The following SSH2 variants were observed in gnomAD, a reference collection of about 807,000 sequenced individuals.
The protein encoded by SSH2 is protein phosphatase Slingshot homolog 2.
Under a neutral mutation model 135.2 loss-of-function variants are expected in SSH2, and 37 were observed. The ratio of observed to expected loss-of-function variants is 0.27; its 90% CI spans 0.21 to 0.36. The LOEUF (loss-of-function observed/expected upper bound fraction) is 0.36. Among genes scored for constraint, SSH2 ranks in the 10% least tolerant of loss-of-function variants. The probability of loss-of-function intolerance (pLI) is 1.00; values close to 1 mark genes in which losing one functional copy is unlikely to be tolerated. For synonymous variants in SSH2, 628 were observed against 646.2 expected, an observed-to-expected ratio of 0.97 and a Z score of 0.43; for missense variants, 1,408 against 1,765.3, an observed-to-expected ratio of 0.80 and a Z score of 3.63.
chr17:29,874,630 T>C (rs988076252), intron 1 of SSH2, among the ~76,000 whole-genome samples: 1 of 152,192 alleles, frequency 6.6e-6, no homozygotes, highest in Non-Finnish European at 1.5e-5. Flanking sequence ...CCTTCCACCA[T>C]GATTGTAAAT....
intron 5 of SSH2, among the ~76,000 whole-genome samples, chr17:29,694,952 G>A (rs2038663761): frequency 1.3e-5 from 2 of 152,124 alleles, no homozygotes; most frequent in Non-Finnish European, 2.9e-5. Flanking sequence ...CAACGTGAGA[G>A]GTAGTCAGGA....
intron 1 of SSH2, among the ~76,000 whole-genome samples, chr17:29,921,796 C>T (rs2066980755): frequency 6.6e-6 from 1 of 152,082 alleles, no homozygotes; most frequent in South Asian, 2.1e-4. Context: ...GATCTGCCTG[C>T]CTCAACCTCC....
At chr17:29,918,892 G>A (rs1415446662) in intron 1 of SSH2, among the ~76,000 whole-genome samples, 1 of 151,878 alleles carries the variant, frequency 6.6e-6, no homozygotes, top group Non-Finnish European at 1.5e-5. Flanking sequence ...AGCCAAGATC[G>A]TGCCACTGCA....
At chr17:29,763,549 G>C (rs1384491493) in intron 3 of SSH2, among the ~76,000 whole-genome samples, 1 of 149,920 alleles carries the variant, frequency 6.7e-6, no homozygotes, top group East Asian at 2.0e-4. Context: ...GGTGAGTCCA[G>C]TTCCTTTCAT....
intron 3 of SSH2, among the ~76,000 whole-genome samples, chr17:29,726,942 T>G (rs1409077964): frequency 2.6e-5 from 4 of 152,228 alleles, no homozygotes; most frequent in Non-Finnish European, 5.9e-5. Context: ...CAAATCTCCC[T>G]TAATCTATCT....
At chr17:29,669,935 G>A (rs924919654) in intron 9 of SSH2, among the ~76,000 whole-genome samples, 1 of 148,494 alleles carries the variant, frequency 6.7e-6, no homozygotes, top group African/African-American at 2.5e-5. Flanking sequence ...AGGCTGGAGT[G>A]CAGTGGTGTG....
At chr17:29,860,280 CT>C (rs895375847) in intron 1 of SSH2, among the ~76,000 whole-genome samples, 3 of 152,120 alleles carry the variant, frequency 2.0e-5, no homozygotes, top group African/African-American at 7.2e-5. Context: ...TATTTTTTGA[CT>C]TTTAATAATA....
intron 9 of SSH2, 44 bp from the exon 10 acceptor site, chr17:29,667,267 A>T (rs747926984): frequency 8.0e-7 from 1 of 1,242,652 alleles, no homozygotes. Context: ...GATATTCTTA[A>T]TAACGATTAT....
At chr17:29,761,325 T>G in intron 3 of SSH2, 1 of 1,148,770 alleles carries the variant, frequency 8.7e-7, no homozygotes, top group Non-Finnish European at 1.1e-6. Context: ...TCTGCTCTGC[T>G]CCGGCACGAG....
intron 6 of SSH2, among the ~76,000 whole-genome samples, chr17:29,681,215 G>A (rs749930409): frequency 1.3e-5 from 2 of 150,864 alleles, no homozygotes; most frequent in Non-Finnish European, 3.0e-5. Context: ...TGCGCCTGTA[G>A]TCCCAGCTGC....
chr17:29,824,804 G>A (rs1207444674), intron 2 of SSH2, among the ~76,000 whole-genome samples: 1 of 152,150 alleles, frequency 6.6e-6, no homozygotes, highest in Non-Finnish European at 1.5e-5. Context: ...GTTTTTGCCT[G>A]CCCCATCAAT....
intron 5 of SSH2, among the ~76,000 whole-genome samples, chr17:29,687,251 A>ACC (rs1168487317): frequency 9.9e-5 from 15 of 152,206 alleles, no homozygotes; most frequent in African/African-American, 3.6e-4. Context: ...TGAGACTCCC[A>ACC]TGGCTATCTT....
At chr17:29,927,537 T>G (rs1167172455) in intron 1 of SSH2, among the ~76,000 whole-genome samples, 1 of 152,226 alleles carries the variant, frequency 6.6e-6, no homozygotes, top group Non-Finnish European at 1.5e-5. Context: ...CTCACAAAAT[T>G]AAATCTCTTC....
rs2035743583 is a variant in SSH2 at position 29,632,817 on chromosome 17, T to C, written c.2377A>G (p.Ile793Val). 15 of 1,614,204 alleles carry C rather than the reference T, an allele frequency of 9.3e-6. No homozygotes were observed. The highest frequency in any genetic ancestry group is 1.3e-5 in the Non-Finnish European group (15 of 1,180,036). Residue 793 changes from isoleucine to valine, a missense_variant, in exon 16 of 16, where the codon ATT (isoleucine) becomes GTT (valine). Physicochemically the swap from Ile to Val is conservative, Grantham distance 29. Coordinates refer to ENST00000540801, the MANE Select transcript of SSH2 (RefSeq NM_001282129.2). ...IESISQGVGQ[I>V]QLKGDILPNP... ...GGTAAGATGTCTCCTTTCAGTTGAA[T>C]CTGCCCAACTCCTTGACTGATGGAC...
chr17:29,867,912 C>T (rs963475593), intron 1 of SSH2, among the ~76,000 whole-genome samples: 1 of 152,126 alleles, frequency 6.6e-6, no homozygotes, highest in Non-Finnish European at 1.5e-5. Context: ...AACTACCAGG[C>T]TGAACTGGGG....
chr17:29,847,933 G>A (rs919165901), intron 2 of SSH2, among the ~76,000 whole-genome samples: 6 of 152,160 alleles, frequency 3.9e-5, no homozygotes, highest in Non-Finnish European at 7.3e-5. Flanking sequence ...GGGTATAAGC[G>A]AGTATATATA....
intron 2 of SSH2, among the ~76,000 whole-genome samples, chr17:29,823,847 C>T (rs1001808542): frequency 2.7e-5 from 4 of 146,768 alleles, no homozygotes; most frequent in African/African-American, 1.0e-4. Flanking sequence ...CCATTGCACT[C>T]CAGCCTGGAC....
chr17:29,863,405 A>G (rs373434691), intron 1 of SSH2: 1 of 152,224 alleles, frequency 6.6e-6, no homozygotes, highest in African/African-American at 2.4e-5. Flanking sequence ...GAACAGTCAT[A>G]CATCTTAATA....
chr17:29,659,410 A>G (rs1370024132), intron 11 of SSH2, among the ~76,000 whole-genome samples: 1 of 152,212 alleles, frequency 6.6e-6, no homozygotes, highest in East Asian at 1.9e-4. Flanking sequence ...TAGGTGTCTC[A>G]GTGTAGTTTC....
Sources: allele counts gnomAD v4.1 joint callset (sites outside exome capture counted in the v4.1 genomes callset), GRCh38; gene constraint gnomAD v4.1.1; transcripts MANE v1.5; gene names NCBI Gene and HGNC (gene_info 2026-07-23, HGNC 2026-07-21).